The following PALS2 variants were observed in gnomAD, a reference collection of about 807,000 sequenced individuals.
PALS2 encodes the protein protein associated with LIN7 2, MAGUK p55 family member, also known as protein PALS2.
A neutral mutation model predicts 61.6 loss-of-function variants in PALS2; 27 were observed. The observed-to-expected ratio is 0.44, with a 90% CI of 0.32 to 0.60. The LOEUF (loss-of-function observed/expected upper bound fraction) is 0.60. PALS2 is among the 20% of genes least tolerant of loss of function. The pLI is 0.05. For missense variants in PALS2, 554 were observed against 639.4 expected, an observed-to-expected ratio of 0.87 and a Z score of 1.44; for synonymous variants, 236 against 218.6, an observed-to-expected ratio of 1.08 and a Z score of -0.70.
In PALS2 at chr7:24,690,639, A is replaced by T. The variant is rs1307340489; in HGVS notation, c.*3025A>T. 2 of 152,196 alleles carry T rather than the reference A, an allele frequency of 1.3e-5. No individual in the cohort carries two copies. The highest frequency in any genetic ancestry group is 2.9e-5 in the Non-Finnish European group (2 of 68,022). The allele number at this position is 152,196 out of a possible 1,614,324, so 9.4% of individuals were successfully genotyped here. A position where few individuals can be genotyped will look rare whatever the true frequency, so the allele number is the denominator to read the frequency against. On this transcript the variant is annotated 3_prime_UTR_variant, in exon 12 of 12. Coordinates refer to ENST00000222644, the MANE Select transcript of PALS2 (RefSeq NM_001303037.2). Reference sequence around the variant, plus strand: ...CATTTAACCATAGCTTAGTGAAATAAATGTGATGGCCCTAAAAAGTAGAAT... The same window carrying T: ...CATTTAACCATAGCTTAGTGAAATATATGTGATGGCCCTAAAAAGTAGAAT...
chr7:24,640,561 A>G (rs981483550), intron 2 of PALS2, among the ~76,000 whole-genome samples: 7 of 152,194 alleles, frequency 4.6e-5, no homozygotes, highest in Non-Finnish European at 1.0e-4. Context: ...TTGTTTATGA[A>G]TTAAATTTTG....
intron 1 of PALS2, among the ~76,000 whole-genome samples, chr7:24,580,057 A>G (rs1782781416): frequency 6.6e-6 from 1 of 152,136 alleles, no homozygotes. Context: ...AGGAAAGGAA[A>G]AGTGAAAGGT....
chr7:24,665,757 A>T, intron 7 of PALS2, 70 bp downstream of exon 7: 1 of 1,353,986 alleles, frequency 7.4e-7, no homozygotes, highest in Non-Finnish European at 1.0e-6. Flanking sequence ...TTTTGTCTAA[A>T]TAAGCAAATG....
In PALS2 at chr7:24,690,360, A is replaced by G. The variant is rs2128040494; in HGVS notation, c.*2746A>G. The G allele has an allele frequency of 1.3e-5, 2 of 152,322 alleles. No individual in the cohort carries two copies. The highest frequency in any genetic ancestry group is 4.1e-4 in the South Asian group (2 of 4,824). 9.4% of individuals were successfully genotyped at this position (152,322 alleles called of 1,614,324 possible). A position where few individuals can be genotyped will look rare whatever the true frequency, so the allele number is the denominator to read the frequency against. ...TTCTCTTTTGGGAAGATCTGCGATA[A>G]TTAGCTTTATGGAAGCGAAAATGGT... is the stretch of plus-strand genomic sequence containing the variant. On this transcript the variant is annotated 3_prime_UTR_variant, in exon 12 of 12. Transcript: ENST00000222644.
intron 1 of PALS2, among the ~76,000 whole-genome samples, chr7:24,591,613 T>C (rs370847818): frequency 6.6e-6 from 1 of 152,156 alleles, no homozygotes; most frequent in East Asian, 1.9e-4. Flanking sequence ...GTTCTCATTA[T>C]TCAAGATAGT....
intron 1 of PALS2, among the ~76,000 whole-genome samples, chr7:24,575,328 G>T (rs1429134410): frequency 1.3e-5 from 2 of 152,160 alleles, no homozygotes; most frequent in Non-Finnish European, 2.9e-5. Context: ...AAGTCTAGTA[G>T]CTCTATATAA....
chr7:24,640,870 T>C (rs894466247), intron 2 of PALS2, among the ~76,000 whole-genome samples: 1 of 151,888 alleles, frequency 6.6e-6, no homozygotes. Context: ...TAGCCAGGCT[T>C]GGTGGCGGGT....
chr7:24,679,269 A>G lies in PALS2; in HGVS notation c.1253A>G (p.Lys418Arg). The G allele has an allele frequency of 6.2e-7, 1 of 1,614,090 alleles. No individual in the cohort carries two copies. The highest frequency in any genetic ancestry group is 8.5e-7 in the Non-Finnish European group (1 of 1,179,964). The change falls in exon 10 of 12, where the codon AAA becomes AGA. Residue 418 changes from lysine to arginine, a missense_variant. Physicochemically the swap from Lys to Arg is conservative, Grantham distance 26. Coordinates refer to ENST00000222644, the MANE Select transcript of PALS2 (RefSeq NM_001303037.2). Reference sequence around the variant, plus strand: ...TATGAAGGAAATCTCTATGGAACCAAAATTGATTCTATTCTTGAGGTTGTC... The same window carrying G: ...TATGAAGGAAATCTCTATGGAACCAGAATTGATTCTATTCTTGAGGTTGTC... Reference protein sequence around the residue: ...GEYEGNLYGTKIDSILEVVQT... With the variant: ...GEYEGNLYGTRIDSILEVVQT...
At chr7:24,626,967 A>G (rs895263318) in intron 2 of PALS2, among the ~76,000 whole-genome samples, 3 of 152,230 alleles carry the variant, frequency 2.0e-5, no homozygotes, top group African/African-American at 7.2e-5. Context: ...TCAACAAGAC[A>G]GAAAATTAAC....
intron 2 of PALS2, among the ~76,000 whole-genome samples, chr7:24,630,253 C>A (rs1024641272): frequency 1.3e-5 from 2 of 152,038 alleles, no homozygotes; most frequent in African/African-American, 2.4e-5. Flanking sequence ...CGCATGTTTT[C>A]TTTTAAGTGG....
intron 9 of PALS2, 54 bp from the exon 10 acceptor site, chr7:24,679,077 T>G: frequency 6.5e-7 from 1 of 1,544,068 alleles, no homozygotes. Flanking sequence ...TTTTAGTCTA[T>G]TTTTTATGCC....
intron 1 of PALS2, among the ~76,000 whole-genome samples, chr7:24,611,769 G>GT (rs1784120890): frequency 6.6e-6 from 1 of 151,972 alleles, no homozygotes; most frequent in African/African-American, 2.4e-5. Flanking sequence ...ATAGGTGGTG[G>GT]TAAGTGCAGG....
Position 24,641,722 on chromosome 7 carries a change from G to A in PALS2, c.124G>A (p.Glu42Lys), listed in dbSNP as rs766240383. The A allele has an allele frequency of 1.2e-6, 2 of 1,603,110 alleles. No homozygotes were observed. Among genetic ancestry groups the A allele is most frequent in the Non-Finnish European group, 1.7e-6 (2 of 1,175,802 alleles). Residue 42 changes from glutamate to lysine, a missense_variant, in exon 3 of 12, where the codon GAG becomes AAG. Transcript: ENST00000222644. ...PIVKSLAKAH[E>K]RLEDSKLEAV... is the part of the protein sequence containing the mutation. ...TATACTCTTATTTTTTCAGGCTCAT[G>A]AGAGGCTAGAAGATTCCAAACTAGA...
At chr7:24,605,546 A>T (rs1003654397) in intron 1 of PALS2, among the ~76,000 whole-genome samples, 10 of 152,190 alleles carry the variant, frequency 6.6e-5, no homozygotes, top group African/African-American at 2.2e-4. Flanking sequence ...ATATATCTTC[A>T]TATTTTCTAC....
intron 11 of PALS2, among the ~76,000 whole-genome samples, chr7:24,686,201 A>C (rs1176901478): frequency 6.6e-6 from 1 of 152,142 alleles, no homozygotes; most frequent in Non-Finnish European, 1.5e-5. Context: ...TTATTTTATC[A>C]CCAAAATAAA....
chr7:24,674,902 T>G (rs1787481631), intron 9 of PALS2, among the ~76,000 whole-genome samples: 1 of 152,200 alleles, frequency 6.6e-6, no homozygotes, highest in Admixed American at 6.5e-5. Context: ...GTTGATTGTG[T>G]CTTCATTATT....
intron 1 of PALS2, among the ~76,000 whole-genome samples, chr7:24,604,930 C>T (rs940051866): frequency 1.9e-4 from 29 of 152,172 alleles, no homozygotes; most frequent in African/African-American, 7.0e-4. Flanking sequence ...ATGGGGACAG[C>T]CCCAGGCAAG....
At chr7:24,624,279 G>T in intron 2 of PALS2, 1 of 353,852 alleles carries the variant, frequency 2.8e-6, no homozygotes, top group Non-Finnish European at 4.7e-6. Flanking sequence ...TCATTGATAA[G>T]TATACTTTAC....
At chr7:24,656,104 G>C (rs964400368) in intron 5 of PALS2, among the ~76,000 whole-genome samples, 1 of 152,158 alleles carries the variant, frequency 6.6e-6, no homozygotes, top group Non-Finnish European at 1.5e-5. Flanking sequence ...TAATCACTTT[G>C]TTCACCATCT....
Sources: allele counts gnomAD v4.1 joint callset (sites outside exome capture counted in the v4.1 genomes callset), GRCh38; gene constraint gnomAD v4.1.1; transcripts MANE v1.5; gene names NCBI Gene and HGNC (gene_info 2026-07-23, HGNC 2026-07-21).